CORIN: variants seen among roughly 807,000 people sequenced by gnomAD.
CORIN encodes the protein atrial natriuretic peptide-converting enzyme.
CORIN carries 117 observed loss-of-function variants against 125.3 expected under a neutral mutation model. The observed-to-expected ratio is 0.93, with a 90% CI of 0.80 to 1.09. CORIN has a LOEUF of 1.09. Ranked by LOEUF, CORIN falls within the 50% of genes least tolerant of loss-of-function variation. The pLI, the probability that CORIN is intolerant of heterozygous loss-of-function variation, is 0.00. For missense variants in CORIN, 1,253 were observed against 1,306.7 expected (o/e 0.96, Z 0.63); for synonymous variants, 450 against 466.4 (o/e 0.96, Z 0.45).
intron 2 of CORIN, among the ~76,000 whole-genome samples, chr4:47,801,917 T>G (rs1731561778): frequency 6.6e-6 from 1 of 152,222 alleles, no homozygotes; most frequent in South Asian, 2.1e-4. Context: ...AGACACAAGC[T>G]AGGTGGCTAA....
intron 4 of CORIN, among the ~76,000 whole-genome samples, chr4:47,749,760 A>G (rs1728819917): frequency 6.6e-6 from 1 of 152,198 alleles, no homozygotes; most frequent in Admixed American, 6.5e-5. Context: ...AGACTCACAC[A>G]ATCATCTTTT....
chr4:47,738,994 T>C (rs1577878495), intron 5 of CORIN, among the ~76,000 whole-genome samples: 2 of 151,672 alleles, frequency 1.3e-5, no homozygotes, highest in East Asian at 1.9e-4. Context: ...AACTTTAAGA[T>C]AAGTAAGCTG....
At chr4:47,732,079 A>G (rs1222559408) in intron 5 of CORIN, among the ~76,000 whole-genome samples, 1 of 152,176 alleles carries the variant, frequency 6.6e-6, no homozygotes, top group African/African-American at 2.4e-5. Context: ...TTTAAGAATC[A>G]TCAGTGCATA....
intron 19 of CORIN, 38 bp downstream of exon 19, chr4:47,623,533 A>T: frequency 7.5e-6 from 12 of 1,600,500 alleles, no homozygotes; most frequent in Non-Finnish European, 1.0e-5. Flanking sequence ...CAAAGTGATC[A>T]AATCCAGGCA....
intron 1 of CORIN, among the ~76,000 whole-genome samples, chr4:47,812,464 C>A (rs1732103163): frequency 6.6e-6 from 1 of 152,106 alleles, no homozygotes; most frequent in Non-Finnish European, 1.5e-5. Context: ...AAGATCGTAC[C>A]ACTGCACTGC....
intron 2 of CORIN, among the ~76,000 whole-genome samples, chr4:47,791,416 T>C (rs1241301963): frequency 1.3e-5 from 2 of 152,222 alleles, no homozygotes; most frequent in African/African-American, 2.4e-5. Context: ...AACTCTAAGA[T>C]AATAAATTTG....
intron 5 of CORIN, among the ~76,000 whole-genome samples, chr4:47,736,317 A>G (rs1018714378): frequency 1.3e-5 from 2 of 152,198 alleles, no homozygotes; most frequent in Admixed American, 1.3e-4. Context: ...ATTTCTGGCC[A>G]TGAGGTAGTA....
intron 6 of CORIN, among the ~76,000 whole-genome samples, chr4:47,685,130 C>T (rs940232700): frequency 6.6e-6 from 1 of 152,088 alleles, no homozygotes; most frequent in African/African-American, 2.4e-5. Flanking sequence ...GTAACTGCAA[C>T]CTTACCATAC....
chr4:47,826,159 T>C (rs1026882624), intron 1 of CORIN, among the ~76,000 whole-genome samples: 5 of 152,178 alleles, frequency 3.3e-5, no homozygotes, highest in African/African-American at 1.2e-4. Context: ...TAAGGGAAGA[T>C]AGCAGTAATG....
At chr4:47,772,073 TTACA>T (rs1440210638) in intron 3 of CORIN, among the ~76,000 whole-genome samples, 1 of 110,622 alleles carries the variant, frequency 9.0e-6, no homozygotes, top group African/African-American at 3.4e-5. Flanking sequence ...AGCTTTCACA[TTACA>T]TAGATAGATA....
Position 47,594,882 on chromosome 4 carries a change from A to T in CORIN, c.*839T>A, listed in dbSNP as rs1721192686. ...CCTGAACAAACCCAGCTATGAGGAC[A>T]GTTCTATAGAGACTCTTCTATAAAA... On this transcript the variant is annotated 3_prime_UTR_variant, in exon 22 of 22. Transcript: ENST00000273857. The T allele has an allele frequency of 6.6e-6, 1 of 152,320 alleles. No individual in the cohort carries two copies. The highest frequency in any genetic ancestry group is 1.9e-4 in the East Asian group (1 of 5,190). The allele number at this position is 152,320 out of a possible 1,614,324, so 9.4% of individuals were successfully genotyped here. A position where few individuals can be genotyped will look rare whatever the true frequency, so the allele number is the denominator to read the frequency against.
intron 1 of CORIN, 25 bp downstream of exon 1, chr4:47,837,862 T>A: frequency 6.2e-7 from 1 of 1,604,962 alleles, no homozygotes. Flanking sequence ...CTGGCTGCGG[T>A]AGGACAGCGA....
At chr4:47,780,910 A>ATT in intron 3 of CORIN, among the ~76,000 whole-genome samples, 1 of 151,704 alleles carries the variant, frequency 6.6e-6, no homozygotes, top group African/African-American at 2.4e-5. Context: ...ATCCTTTGAG[A>ATT]TTTTATATAT....
At chr4:47,802,317 T>A (rs1357499468) in intron 2 of CORIN, among the ~76,000 whole-genome samples, 28 of 152,200 alleles carry the variant, frequency 1.8e-4, no homozygotes, top group Admixed American at 1.8e-3. Context: ...TTAGGGTCCC[T>A]GAGTCTAGGC....
chr4:47,657,250 C>T (rs1300914205), intron 12 of CORIN, among the ~76,000 whole-genome samples: 1 of 151,930 alleles, frequency 6.6e-6, no homozygotes, highest in Non-Finnish European at 1.5e-5. Context: ...ATACCTGATA[C>T]CAGCCAGGCG....
chr4:47,720,205 T>C (rs1285153702), intron 5 of CORIN, among the ~76,000 whole-genome samples: 1 of 152,238 alleles, frequency 6.6e-6, no homozygotes, highest in East Asian at 1.9e-4. Flanking sequence ...TTTGAGGCTC[T>C]TTTATTTTTA....
chr4:47,789,553 T>A (rs1730971499), intron 2 of CORIN, among the ~76,000 whole-genome samples: 1 of 152,132 alleles, frequency 6.6e-6, no homozygotes, highest in African/African-American at 2.4e-5. Flanking sequence ...AGAAACAGAA[T>A]AAACTTAAAG....
At chr4:47,599,189 C>A (rs535373597) in intron 21 of CORIN, among the ~76,000 whole-genome samples, 142 of 152,246 alleles carry the variant, frequency 9.3e-4, no homozygotes, top group Non-Finnish European at 1.7e-3. Flanking sequence ...GATTCCTTTA[C>A]CACCATCCAC....
At chr4:47,805,003 G>A (rs1327267680) in intron 2 of CORIN, among the ~76,000 whole-genome samples, 4 of 151,362 alleles carry the variant, frequency 2.6e-5, no homozygotes, top group African/African-American at 7.3e-5. Flanking sequence ...GGGCGTGGTG[G>A]CGGGCGCCTG....
Sources: allele counts gnomAD v4.1 joint callset (sites outside exome capture counted in the v4.1 genomes callset), GRCh38; gene constraint gnomAD v4.1.1; transcripts MANE v1.5; gene names NCBI Gene and HGNC (gene_info 2026-07-23, HGNC 2026-07-21).